Variants in PHIP observed in about 807,000 individuals in gnomAD.
PHIP encodes PH-interacting protein.
Under a neutral mutation model 236.8 loss-of-function variants are expected in PHIP, and 54 were observed. The observed-to-expected ratio is 0.23, with a 90% CI of 0.18 to 0.29. The LOEUF (loss-of-function observed/expected upper bound fraction) is 0.29, where lower values mean the gene tolerates loss of function less well. PHIP is among the 10% of genes least tolerant of loss of function. PHIP has a pLI of 1.00. For missense variants in PHIP, 1,370 were observed against 2,190.8 expected, an observed-to-expected ratio of 0.63 and a Z score of 7.48; for synonymous variants, 756 against 718.9, an observed-to-expected ratio of 1.05 and a Z score of -0.83.
At chr6:79,011,738 A>G (rs1004084608) in intron 15 of PHIP, among the ~76,000 whole-genome samples, 4 of 151,790 alleles carry the variant, frequency 2.6e-5, no homozygotes, top group Admixed American at 6.6e-5. Context: ...GAATCCATTT[A>G]TAAGATTTCA....
In PHIP at chr6:78,941,320, C is replaced by A; in HGVS notation, c.4839G>T (p.Lys1613Asn). The change falls in exon 40 of 40, where the codon AAG becomes AAT. Residue 1613 changes from lysine (K) to asparagine (N), a missense_variant. Transcript: ENST00000275034. Reference sequence around the variant, plus strand: ...TGGTTCCTGGTACAAGAGCGTTGTTCTTACAATCTCCTAAAAGGGAACAAC... The same window carrying A: ...TGGTTCCTGGTACAAGAGCGTTGTTATTACAATCTCCTAAAAGGGAACAAC... ...SSAVIEQGDC[K>N]NNALVPGTIQ... 1 of 1,612,296 alleles carries A rather than the reference C, an allele frequency of 6.2e-7. No individual in the cohort carries two copies. The highest frequency in any genetic ancestry group is 8.5e-7 in the Non-Finnish European group (1 of 1,179,050).
rs1375496080 is a variant in PHIP at position 78,961,551 on chromosome 6, T to G, written c.3656+139A>C. The G allele has an allele frequency of 4.0e-6, 3 of 754,048 alleles. No individual in the cohort carries two copies. In the East Asian group the frequency reaches 9.6e-5, roughly 24 times the overall value. 46.7% of individuals were successfully genotyped at this position (754,048 alleles called of 1,614,324 possible). A position where few individuals can be genotyped will look rare whatever the true frequency, so the allele number is the denominator to read the frequency against. On this transcript the variant is annotated intron_variant, in intron 31 of 39. Transcript: ENST00000275034. ...CCCACTCCAAATCTACTGAATAAGA[T>G]TCTACATTTTAACATAATCCCCATA...
intron 17 of PHIP, among the ~76,000 whole-genome samples, 173 bp from the exon 18 acceptor site, chr6:78,998,564 T>C (rs931754025): frequency 6.6e-6 from 1 of 152,082 alleles, no homozygotes; most frequent in African/African-American, 2.4e-5. Flanking sequence ...AAAACATCTG[T>C]CCATCTTAGT....
At chr6:78,963,061 C>T in intron 30 of PHIP, 36 bp downstream of exon 30, 1 of 1,530,004 alleles carries the variant, frequency 6.5e-7, no homozygotes, top group South Asian at 1.3e-5. Context: ...TTGTGTTCTG[C>T]CAGTTTTTTC....
rs36155238 is a variant in PHIP, at chr6:78,940,548, GTTTTTT to G, written c.*139_*144del. 1.2e-4 allele frequency: 10 copies of G among 82,714 alleles called. No homozygotes were observed. In the East Asian group the frequency reaches 1.9e-3, roughly 15 times the overall value. The allele number at this position is 82,714 out of a possible 1,614,324, so 5.1% of individuals were successfully genotyped here. The stretch of plus-strand genomic sequence containing the variant: ...AAGAAGTGAAGTGTCTCGTAAGTTT[GTTTTTT>G]TTTTTTTTTTTTTTTTTGCAAATCA... On this transcript the variant is annotated 3_prime_UTR_variant, in exon 40 of 40. Coordinates refer to ENST00000275034, the MANE Select transcript of PHIP (RefSeq NM_017934.7).
chr6:78,990,659 C>T (rs768601681), intron 20 of PHIP, among the ~76,000 whole-genome samples: 8 of 151,918 alleles, frequency 5.3e-5, no homozygotes, highest in Admixed American at 3.3e-4. Context: ...TAAGAATTGG[C>T]ACTTTGGGAA....
intron 15 of PHIP, among the ~76,000 whole-genome samples, chr6:79,005,244 T>G (rs776192887): frequency 4.6e-5 from 7 of 151,852 alleles, no homozygotes; most frequent in Non-Finnish European, 1.0e-4. Context: ...AGTTGGAGGA[T>G]GATAAGATAG....
At chr6:78,964,007 A>G (rs183390122) in intron 29 of PHIP, among the ~76,000 whole-genome samples, 1 of 152,198 alleles carries the variant, frequency 6.6e-6, no homozygotes, top group Non-Finnish European at 1.5e-5. Flanking sequence ...CAAAACAGTG[A>G]ATCAGTATCA....
intron 27 of PHIP, among the ~76,000 whole-genome samples, chr6:78,969,258 T>C (rs1242129175): frequency 6.6e-6 from 1 of 152,218 alleles, no homozygotes; most frequent in Non-Finnish European, 1.5e-5. Flanking sequence ...TATCAATTGA[T>C]GTGCTTTTTC....
At chr6:79,031,344 C>G (rs1320351952) in intron 7 of PHIP, among the ~76,000 whole-genome samples, 4 of 152,184 alleles carry the variant, frequency 2.6e-5, no homozygotes, top group Non-Finnish European at 5.9e-5. Flanking sequence ...GGAAAAATCT[C>G]AAGCAAATCT....
At chr6:79,047,160 C>T (rs1420097506) in intron 6 of PHIP, among the ~76,000 whole-genome samples, 1 of 152,140 alleles carries the variant, frequency 6.6e-6, no homozygotes, top group African/African-American at 2.4e-5. Context: ...TCATTCAGAA[C>T]AGCCTTTGAA....
At chr6:79,046,807 C>T (rs935973029) in intron 6 of PHIP, among the ~76,000 whole-genome samples, 4 of 150,808 alleles carry the variant, frequency 2.7e-5, no homozygotes, top group Non-Finnish European at 4.4e-5. Flanking sequence ...ACCCCGGAGA[C>T]GGAGGTTGCC....
chr6:79,024,252 G>C (rs774205336), intron 9 of PHIP, among the ~76,000 whole-genome samples: 25 of 152,082 alleles, frequency 1.6e-4, no homozygotes, highest in Non-Finnish European at 2.2e-4. Flanking sequence ...AAACACTACT[G>C]TTTTTAAAAT....
rs1394546128 is a variant in PHIP, at chr6:79,035,259, CCT to C, written c.600+7582_600+7583del. Among the ~76,000 whole-genome samples the C allele has an allele frequency of 7.2e-5, 11 of 152,234 alleles. No individual in the cohort carries two copies. In the East Asian group the frequency reaches 1.9e-3, roughly 27 times the overall value. On this transcript the variant is annotated intron_variant, in intron 7 of 39. Transcript: ENST00000275034. ...TGAGGAGACAGATTTGAGCTTGACCCCTGAGTCTTCTTGGGAGTTGACTTTCA... is the reference window on the plus strand; with the variant it reads ...TGAGGAGACAGATTTGAGCTTGACCCGAGTCTTCTTGGGAGTTGACTTTCA...
chr6:78,943,176 A>T (rs1254355168), intron 39 of PHIP, among the ~76,000 whole-genome samples: 1 of 152,196 alleles, frequency 6.6e-6, no homozygotes, highest in Non-Finnish European at 1.5e-5. Flanking sequence ...ACAAAATTTA[A>T]AATTACATAT....
chr6:78,974,365 G>T (rs542611772), intron 24 of PHIP, among the ~76,000 whole-genome samples: 1 of 151,552 alleles, frequency 6.6e-6, no homozygotes, highest in Non-Finnish European at 1.5e-5. Flanking sequence ...TCTCTGGGAC[G>T]CATTCAAAGC....
At chr6:79,019,533 T>C (rs1442083178) in intron 9 of PHIP, among the ~76,000 whole-genome samples, 1 of 152,132 alleles carries the variant, frequency 6.6e-6, no homozygotes, top group Non-Finnish European at 1.5e-5. Context: ...ATGAATACAT[T>C]AGCAAAATAG....
Position 79,017,591 on chromosome 6 carries a change from G to T in PHIP, c.995-8C>A, listed in dbSNP as rs1770893262. ...TCGCCAGAAACATTCCACCTATGAA[G>T]AATAACAGCAATTGTTAAGAAGTAA... On this transcript the variant is annotated splice_region_variant and splice_polypyrimidine_tract_variant and intron_variant, in intron 10 of 39. Transcript: ENST00000275034. The T allele has an allele frequency of 6.3e-7, 1 of 1,583,346 alleles. No individual in the cohort carries two copies. The highest frequency in any genetic ancestry group is 8.7e-7 in the Non-Finnish European group (1 of 1,154,140).
chr6:78,962,699 T>C (rs1766862571), intron 30 of PHIP, among the ~76,000 whole-genome samples: 1 of 152,120 alleles, frequency 6.6e-6, no homozygotes, highest in Non-Finnish European at 1.5e-5. Flanking sequence ...AAGAAGATCC[T>C]CTTTTGTGTG....
Sources: allele counts gnomAD v4.1 joint callset (sites outside exome capture counted in the v4.1 genomes callset), GRCh38; gene constraint gnomAD v4.1.1; transcripts MANE v1.5; gene names NCBI Gene and HGNC (gene_info 2026-07-23, HGNC 2026-07-21).